Variants in ZNF148 observed in about 807,000 individuals in gnomAD.
ZNF148 encodes the protein Beta-Enolase Repressor Factor-1.
ZNF148 carries 7 observed loss-of-function variants against 67.7 expected under a neutral mutation model. The observed-to-expected ratio is 0.10, with a 90% confidence interval of 0.06 to 0.19. ZNF148 has a LOEUF of 0.19. ZNF148 is among the 10% of genes least tolerant of loss of function. The pLI, the probability that ZNF148 is intolerant of heterozygous loss-of-function variation, is 1.00. For missense variants in ZNF148, 583 were observed against 947.1 expected (o/e 0.62, Z 5.05); for synonymous variants, 333 against 330.7 (o/e 1.01, Z -0.08).
intron 6 of ZNF148, 47 bp from the exon 7 acceptor site, chr3:125,277,856 G>T (rs372477515): frequency 6.7e-7 from 1 of 1,485,126 alleles, no homozygotes; most frequent in Non-Finnish European, 9.1e-7. Context: ...ATAAAACAAC[G>T]GTTTTTAGTT....
chr3:125,229,265 CA>C lies in ZNF148; in HGVS notation c.*3075del, dbSNP rs2107821547. On this transcript the variant is annotated 3_prime_UTR_variant, in exon 9 of 9. Coordinates refer to ENST00000360647, the MANE Select transcript of ZNF148 (RefSeq NM_021964.3). ...CAAATTAATCAAATGAAAGAAGCGG[CA>C]AAAGATCTAACCTAGCTGGCACTCT... 6.7e-6 allele frequency: 1 copy of C among 148,532 alleles called. No individual in the cohort carries two copies. The highest frequency in any genetic ancestry group is 2.5e-5 in the African/African-American group (1 of 40,072). The allele number at this position is 148,532 out of a possible 1,614,324, so 9.2% of individuals were successfully genotyped here.
At chr3:125,315,810 A>C (rs1467457722) in intron 3 of ZNF148, among the ~76,000 whole-genome samples, 1 of 152,170 alleles carries the variant, frequency 6.6e-6, no homozygotes, top group African/African-American at 2.4e-5. Context: ...GAAATAAGCA[A>C]ATCATGGAGA....
chr3:125,352,397 T>C (rs1579880398), intron 1 of ZNF148, among the ~76,000 whole-genome samples: 1 of 152,082 alleles, frequency 6.6e-6, no homozygotes, highest in South Asian at 2.1e-4. Context: ...GAAGAGGGAA[T>C]GGAAATTGAC....
In ZNF148 at chr3:125,226,076, G is replaced by A. The variant is rs1187151730; in HGVS notation, c.*6265C>T. 1.3e-5 allele frequency: 2 copies of A among 152,590 alleles called. No individual in the cohort carries two copies. Among genetic ancestry groups the A allele is most frequent in the Admixed American group, 1.3e-4 (2 of 15,278 alleles). The allele number at this position is 152,590 out of a possible 1,614,324, so 9.5% of individuals were successfully genotyped here. ...CACGTATGCTGACAGTGGGTTAACAGAGTCTTATCTGTAAAGAAAAGAACA... is the reference window on the plus strand; with the variant it reads ...CACGTATGCTGACAGTGGGTTAACAAAGTCTTATCTGTAAAGAAAAGAACA... On this transcript the variant is annotated 3_prime_UTR_variant, in exon 9 of 9. Coordinates refer to ENST00000360647, the MANE Select transcript of ZNF148 (RefSeq NM_021964.3).
chr3:125,374,788 G>A (rs536061560), intron 1 of ZNF148, among the ~76,000 whole-genome samples: 5 of 151,868 alleles, frequency 3.3e-5, no homozygotes, highest in East Asian at 1.9e-4. Context: ...CGGCCTCCCC[G>A]TGCAAACATC....
intron 4 of ZNF148, among the ~76,000 whole-genome samples, chr3:125,295,078 T>C (rs1025247669): frequency 2.6e-5 from 4 of 152,232 alleles, no homozygotes; most frequent in Non-Finnish European, 5.9e-5. Flanking sequence ...ATATGAACTA[T>C]AGTTTGGTTG....
intron 7 of ZNF148, among the ~76,000 whole-genome samples, chr3:125,248,174 G>A (rs1253616668): frequency 6.6e-6 from 1 of 152,186 alleles, no homozygotes; most frequent in Admixed American, 6.5e-5. Flanking sequence ...TGGATATGTA[G>A]GCACCAGTGA....
intron 4 of ZNF148, among the ~76,000 whole-genome samples, chr3:125,309,436 G>T (rs1337063809): frequency 1.3e-5 from 2 of 152,094 alleles, no homozygotes; most frequent in African/African-American, 4.8e-5. Context: ...CATCTTTTAA[G>T]GTGAAACATG....
chr3:125,247,459 CAG>C (rs1199283905), intron 7 of ZNF148, among the ~76,000 whole-genome samples: 9 of 151,534 alleles, frequency 5.9e-5, no homozygotes, highest in Non-Finnish European at 1.2e-4. Context: ...TTTTTTGAGA[CAG>C]AGTCTCACTC....
In ZNF148 at chr3:125,228,102, T is replaced by G. The variant is rs966499032; in HGVS notation, c.*4239A>C. On this transcript the variant is annotated 3_prime_UTR_variant, in exon 9 of 9. Transcript: ENST00000360647. ...TAGTTATGAAATATGAAGAGAACTATCTATTTCACAATGGAGCTGAAGTCA... is the reference window on the plus strand; with the variant it reads ...TAGTTATGAAATATGAAGAGAACTAGCTATTTCACAATGGAGCTGAAGTCA... 2 of 152,726 alleles carry G rather than the reference T, an allele frequency of 1.3e-5. No homozygotes were observed. Among genetic ancestry groups the G allele is most frequent in the African/African-American group, 4.8e-5 (2 of 41,568 alleles). The allele number at this position is 152,726 out of a possible 1,614,324, so 9.5% of individuals were successfully genotyped here. A position where few individuals can be genotyped will look rare whatever the true frequency, so the allele number is the denominator to read the frequency against.
chr3:125,286,953 CAACT>C (rs1378925320), intron 5 of ZNF148, among the ~76,000 whole-genome samples: 1 of 152,050 alleles, frequency 6.6e-6, no homozygotes, highest in East Asian at 1.9e-4. Context: ...ATTTAACCAC[CAACT>C]AAGGAATCAG....
rs1935661298 is a variant in ZNF148, at chr3:125,226,898, T to C, written c.*5443A>G. On this transcript the variant is annotated 3_prime_UTR_variant, in exon 9 of 9. Transcript: ENST00000360647. The stretch of plus-strand genomic sequence containing the variant: ...TTTTATTTAACACTGAAAATTTCAA[T>C]GTGATAAGTTTCATTGCAAAGCAAC... 1 of 152,166 alleles carries C rather than the reference T, an allele frequency of 6.6e-6. No individual in the cohort carries two copies. The highest frequency in any genetic ancestry group is 2.4e-5 in the African/African-American group (1 of 41,450). 9.4% of individuals were successfully genotyped at this position (152,166 alleles called of 1,614,324 possible).
chr3:125,345,052 A>C (rs1941888136), intron 1 of ZNF148, among the ~76,000 whole-genome samples: 1 of 152,238 alleles, frequency 6.6e-6, no homozygotes, highest in African/African-American at 2.4e-5. Context: ...TTAATAACAC[A>C]ATCAACCAAC....
chr3:125,282,353 T>C (rs144944917), intron 5 of ZNF148, among the ~76,000 whole-genome samples: 11 of 152,224 alleles, frequency 7.2e-5, no homozygotes, highest in Admixed American at 2.0e-4. Context: ...TCTTTGCTTT[T>C]CTTTTTTCCC....
At chr3:125,257,736 T>C (rs1053777815) in intron 7 of ZNF148, among the ~76,000 whole-genome samples, 3 of 152,152 alleles carry the variant, frequency 2.0e-5, no homozygotes, top group Non-Finnish European at 4.4e-5. Context: ...TTATTTTTAA[T>C]AAAAACTGCT....
intron 7 of ZNF148, among the ~76,000 whole-genome samples, chr3:125,266,086 C>T (rs1225879629): frequency 6.6e-6 from 1 of 152,006 alleles, no homozygotes; most frequent in Non-Finnish European, 1.5e-5. Flanking sequence ...TACGTCTAAA[C>T]CTAGGAAAAG....
At chr3:125,342,003 G>GA (rs1941745715) in intron 1 of ZNF148, among the ~76,000 whole-genome samples, 1 of 149,454 alleles carries the variant, frequency 6.7e-6, no homozygotes, top group Non-Finnish European at 1.5e-5. Context: ...TCGGGGCGGG[G>GA]GGGGGAATGG....
At chr3:125,303,083 C>T (rs572459907) in intron 4 of ZNF148, among the ~76,000 whole-genome samples, 2 of 152,214 alleles carry the variant, frequency 1.3e-5, no homozygotes, top group Admixed American at 6.5e-5. Context: ...AAGAGCATTA[C>T]GTTGAGTGAA....
intron 1 of ZNF148, among the ~76,000 whole-genome samples, chr3:125,338,227 T>A (rs889044976): frequency 5.3e-5 from 8 of 152,140 alleles, no homozygotes. Context: ...TTAGCAATAT[T>A]CTAGGAGTCA....
Sources: allele counts gnomAD v4.1 joint callset (sites outside exome capture counted in the v4.1 genomes callset), GRCh38; gene constraint gnomAD v4.1.1; transcripts MANE v1.5; gene names NCBI Gene and HGNC (gene_info 2026-07-23, HGNC 2026-07-21).